Variants in SEZ6L observed in about 807,000 individuals in gnomAD.
SEZ6L encodes the protein seizure related 6 homolog like, also known as seizure 6-like protein.
Under a neutral mutation model 106.2 loss-of-function variants are expected in SEZ6L, and 37 were observed. That is an observed-to-expected ratio of 0.35 (90% CI 0.27 to 0.46). The LOEUF (loss-of-function observed/expected upper bound fraction) is 0.46, where lower values mean the gene tolerates loss of function less well. SEZ6L is among the 20% of genes least tolerant of loss of function. The probability of loss-of-function intolerance (pLI) is 1.00; values close to 1 mark genes in which losing one functional copy is unlikely to be tolerated. For missense variants in SEZ6L, 1,172 were observed against 1,332.8 expected (o/e 0.88, Z 1.88); for synonymous variants, 541 against 570.4 (o/e 0.95, Z 0.73).
intron 12 of SEZ6L, among the ~76,000 whole-genome samples, chr22:26,358,133 G>T (rs940686607): frequency 6.6e-6 from 1 of 152,216 alleles, no homozygotes; most frequent in African/African-American, 2.4e-5. Flanking sequence ...CATGTCCAGT[G>T]TTAGCTGAGT....
Position 26,280,707 on chromosome 22 carries a change from T to C in SEZ6L, c.95-11699T>C, listed in dbSNP as rs139607636. 8.0e-4 allele frequency among the ~76,000 whole-genome samples: 122 copies of C among 152,290 alleles called. No homozygotes were observed. The East Asian group carries it at 0.019, about 23-fold the overall frequency. The stretch of plus-strand genomic sequence containing the variant: ...CTGCTCACCTCCCCTGAATCTATAT[T>C]GACATAGGGTTGAACCCAAGGGAAA... On this transcript the variant is annotated intron_variant, in intron 1 of 16. Coordinates refer to ENST00000248933, the MANE Select transcript of SEZ6L (RefSeq NM_021115.5).
At chr22:26,221,981 T>A (rs2078489596) in intron 1 of SEZ6L, among the ~76,000 whole-genome samples, 1 of 152,292 alleles carries the variant, frequency 6.6e-6, no homozygotes, top group Middle Eastern at 3.4e-3. Context: ...TCAACAAGCT[T>A]GTGGGAGCTC....
chr22:26,204,742 C>T lies in SEZ6L; in HGVS notation c.94+34979C>T, dbSNP rs572384056. ...TCGAAGAGTGTTCTGCCAGAGGGAA[C>T]GCTATATGGGAAGGCTCCAGGCAGG... On this transcript the variant is annotated intron_variant, in intron 1 of 16. Coordinates refer to ENST00000248933, the MANE Select transcript of SEZ6L (RefSeq NM_021115.5). 6.6e-5 allele frequency among the ~76,000 whole-genome samples: 10 copies of T among 152,226 alleles called. No individual in the cohort carries two copies. In the South Asian group the frequency reaches 1.5e-3, roughly 22 times the overall value.
chr22:26,351,317 C>G, intron 12 of SEZ6L, 74 bp downstream of exon 12: 1 of 1,440,888 alleles, frequency 6.9e-7, no homozygotes, highest in Non-Finnish European at 9.5e-7. Context: ...TGATGGAAGG[C>G]TGGGCTGCTA....
At chr22:26,362,688 C>T (rs1388328797) in intron 12 of SEZ6L, among the ~76,000 whole-genome samples, 3 of 152,100 alleles carry the variant, frequency 2.0e-5, no homozygotes, top group Non-Finnish European at 2.9e-5. Flanking sequence ...CATGGGTGCC[C>T]GCCAGAGCTA....
At chr22:26,276,006 A>T (rs2080531872) in intron 1 of SEZ6L, among the ~76,000 whole-genome samples, 2 of 152,202 alleles carry the variant, frequency 1.3e-5, no homozygotes. Context: ...GTGTGTGGTC[A>T]ACCAGCCCGG....
chr22:26,304,375 AGAAAGAAAGAAAG>A (rs2081556720), intron 5 of SEZ6L, among the ~76,000 whole-genome samples: 1 of 75,406 alleles, frequency 1.3e-5, no homozygotes, highest in Non-Finnish European at 2.8e-5. Context: ...GAAAGAAGAA[AGAAAGAAAGAAAG>A]AAAGAAAGAA....
intron 1 of SEZ6L, among the ~76,000 whole-genome samples, chr22:26,250,956 T>C (rs979806098): frequency 6.6e-6 from 1 of 152,238 alleles, no homozygotes; most frequent in African/African-American, 2.4e-5. Context: ...TGATTTCTTC[T>C]TTTCAGCTAG....
At chr22:26,226,418 G>GC (rs2078635160) in intron 1 of SEZ6L, among the ~76,000 whole-genome samples, 1 of 152,186 alleles carries the variant, frequency 6.6e-6, no homozygotes, top group Non-Finnish European at 1.5e-5. Context: ...TCAAATTCCA[G>GC]CTCAAGCATC....
chr22:26,188,527 G>A (rs2145649532), intron 1 of SEZ6L, among the ~76,000 whole-genome samples: 1 of 152,256 alleles, frequency 6.6e-6, no homozygotes, highest in East Asian at 1.9e-4. Flanking sequence ...AAAGTGCAAA[G>A]TGAAGCTCTC....
chr22:26,263,955 C>T (rs550294080), intron 1 of SEZ6L, among the ~76,000 whole-genome samples: 1 of 152,362 alleles, frequency 6.6e-6, no homozygotes, highest in East Asian at 1.9e-4. Context: ...TAATCCCTCT[C>T]AAAGCTCCAG....
intron 11 of SEZ6L, among the ~76,000 whole-genome samples, chr22:26,350,823 A>AT (rs1249983970): frequency 4.0e-5 from 6 of 151,750 alleles, no homozygotes; most frequent in Admixed American, 2.0e-4. Flanking sequence ...GGCCAGGCTA[A>AT]TTTTTTGTGT....
At chr22:26,231,411 G>A (rs1221770877) in intron 1 of SEZ6L, among the ~76,000 whole-genome samples, 1 of 152,148 alleles carries the variant, frequency 6.6e-6, no homozygotes, top group East Asian at 1.9e-4. Flanking sequence ...TTGGTTCAGT[G>A]TCTGAGCCCT....
chr22:26,219,033 C>T (rs1010923879), intron 1 of SEZ6L, among the ~76,000 whole-genome samples: 8 of 152,192 alleles, frequency 5.3e-5, no homozygotes, highest in African/African-American at 1.9e-4. Context: ...CTTTTCCTTT[C>T]TATTTCTTTG....
chr22:26,276,451 G>A (rs999842016), intron 1 of SEZ6L, among the ~76,000 whole-genome samples: 4 of 152,212 alleles, frequency 2.6e-5, no homozygotes, highest in Admixed American at 2.0e-4. Flanking sequence ...TCTTGTCTGG[G>A]AATCTGAGCA....
At chr22:26,322,688 A>G (rs976030047) in intron 9 of SEZ6L, among the ~76,000 whole-genome samples, 1 of 152,182 alleles carries the variant, frequency 6.6e-6, no homozygotes, top group African/African-American at 2.4e-5. Context: ...CACAGCATCA[A>G]TTACAACCAT....
chr22:26,294,882 T>C (rs1166440573), intron 3 of SEZ6L, among the ~76,000 whole-genome samples: 1 of 143,434 alleles, frequency 7.0e-6, no homozygotes, highest in Non-Finnish European at 1.5e-5. Context: ...TCTTTCTTTC[T>C]TTCTTTCTTG....
intron 1 of SEZ6L, chr22:26,292,123 G>A: frequency 2.7e-6 from 1 of 364,086 alleles, no homozygotes; most frequent in Non-Finnish European, 4.9e-6. Context: ...AAAGGAAGGA[G>A]GGAGGGAGGA....
chr22:26,343,464 G>T (rs986335578), intron 10 of SEZ6L, among the ~76,000 whole-genome samples: 3 of 152,136 alleles, frequency 2.0e-5, no homozygotes, highest in Admixed American at 6.5e-5. Flanking sequence ...TGTGATTTGT[G>T]TGACAACTTA....
Sources: allele counts gnomAD v4.1 joint callset (sites outside exome capture counted in the v4.1 genomes callset), GRCh38; gene constraint gnomAD v4.1.1; transcripts MANE v1.5; gene names NCBI Gene and HGNC (gene_info 2026-07-23, HGNC 2026-07-21).